The following RNGTT variants were observed in gnomAD, a reference collection of about 807,000 sequenced individuals.
RNGTT encodes RNA guanylyltransferase and 5'-phosphatase.
In RNGTT, 33 loss-of-function variants were observed where a neutral mutation model predicts 79.3. The observed-to-expected ratio is 0.42, with a 90% confidence interval of 0.32 to 0.56. RNGTT has a LOEUF of 0.56. Among genes scored for constraint, RNGTT ranks in the 20% least tolerant of loss-of-function variants. The pLI, the probability that RNGTT is intolerant of heterozygous loss-of-function variation, is 0.17. For synonymous variants in RNGTT, 222 were observed against 235.9 expected, an observed-to-expected ratio of 0.94 and a Z score of 0.54; for missense variants, 497 against 739.1, an observed-to-expected ratio of 0.67 and a Z score of 3.80.
chr6:88,843,916 A>C (rs1342872001), intron 11 of RNGTT, among the ~76,000 whole-genome samples: 1 of 149,928 alleles, frequency 6.7e-6, no homozygotes, highest in African/African-American at 2.4e-5. Flanking sequence ...CCTTCAATGT[A>C]TGTGTGTGTG....
intron 13 of RNGTT, among the ~76,000 whole-genome samples, chr6:88,684,187 A>G (rs1775192296): frequency 6.6e-6 from 1 of 152,184 alleles, no homozygotes. Context: ...CTAAGATACT[A>G]CAACACACCT....
intron 12 of RNGTT, among the ~76,000 whole-genome samples, chr6:88,797,085 T>A (rs1180669462): frequency 6.6e-6 from 1 of 152,110 alleles, no homozygotes; most frequent in Non-Finnish European, 1.5e-5. Context: ...CTAATAAAAA[T>A]TGCTGGGTAA....
chr6:88,689,086 G>C (rs1056234977), intron 13 of RNGTT, among the ~76,000 whole-genome samples: 2 of 152,258 alleles, frequency 1.3e-5, no homozygotes, highest in Non-Finnish European at 2.9e-5. Context: ...ATTATATGCA[G>C]ATTTTCTACT....
At chr6:88,694,550 A>G (rs565437352) in intron 13 of RNGTT, among the ~76,000 whole-genome samples, 6 of 152,284 alleles carry the variant, frequency 3.9e-5, no homozygotes, top group Non-Finnish European at 5.9e-5. Context: ...TACAATCCCT[A>G]TCGAAATTAC....
chr6:88,867,594 G>T (rs754198083), intron 8 of RNGTT, among the ~76,000 whole-genome samples: 7 of 152,038 alleles, frequency 4.6e-5, no homozygotes, highest in Non-Finnish European at 1.0e-4. Context: ...AGTTTTCACT[G>T]AAGAATCTGT....
At position 88,644,052 on chromosome 6, in the gene RNGTT, T is replaced by A. The variant is rs182420924; in HGVS notation, c.1507-29657A>T. The stretch of plus-strand genomic sequence containing the variant: ...ACAAAAAACCCTTCAAAAAAATCAA[T>A]GAATCCAGGAGCTGGTTTTTTGAAA... On this transcript the variant is annotated intron_variant, in intron 14 of 15. Transcript: ENST00000369485. Among the ~76,000 whole-genome samples the A allele has an allele frequency of 1.1e-4, 17 of 152,094 alleles. No individual in the cohort carries two copies. The East Asian group carries it at 3.3e-3, about 29-fold the overall frequency.
chr6:88,913,736 C>T (rs1407850023), intron 4 of RNGTT, among the ~76,000 whole-genome samples: 5 of 152,116 alleles, frequency 3.3e-5, no homozygotes, highest in Non-Finnish European at 5.9e-5. Context: ...CTATGCTAAA[C>T]CCACAGCCAA....
intron 5 of RNGTT, among the ~76,000 whole-genome samples, 175 bp from the exon 6 acceptor site, chr6:88,905,130 T>C (rs1783610430): frequency 1.3e-5 from 2 of 152,192 alleles, no homozygotes; most frequent in Admixed American, 6.5e-5. Context: ...ACATTCATTC[T>C]GAAAAGGTTT....
chr6:88,838,469 T>C (rs1781155899), intron 11 of RNGTT, among the ~76,000 whole-genome samples: 1 of 152,142 alleles, frequency 6.6e-6, no homozygotes, highest in African/African-American at 2.4e-5. Flanking sequence ...AAAAAGTATA[T>C]TTCTATATAC....
intron 4 of RNGTT, among the ~76,000 whole-genome samples, chr6:88,915,131 GGCT>G (rs1405996978): frequency 1.3e-5 from 2 of 151,722 alleles, no homozygotes; most frequent in African/African-American, 4.9e-5. Flanking sequence ...ATGCTGGAGA[GGCT>G]GCAGAGAAAA....
chr6:88,833,669 C>T (rs1780957777), intron 11 of RNGTT, among the ~76,000 whole-genome samples: 1 of 152,198 alleles, frequency 6.6e-6, no homozygotes, highest in Admixed American at 6.5e-5. Context: ...TTCACAATCA[C>T]AGAACAATTA....
At chr6:88,730,624 A>C (rs1376209859) in intron 13 of RNGTT, among the ~76,000 whole-genome samples, 1 of 152,264 alleles carries the variant, frequency 6.6e-6, no homozygotes, top group African/African-American at 2.4e-5. Flanking sequence ...GGCGGAGCTC[A>C]GGCGGTAATG....
intron 8 of RNGTT, among the ~76,000 whole-genome samples, chr6:88,869,368 CTG>C (rs961815996): frequency 6.6e-6 from 1 of 152,150 alleles, no homozygotes; most frequent in Non-Finnish European, 1.5e-5. Flanking sequence ...TTTTTCGTGA[CTG>C]GCCATTAGAC....
chr6:88,642,372 G>C (rs1273055179), intron 14 of RNGTT, among the ~76,000 whole-genome samples: 1 of 152,064 alleles, frequency 6.6e-6, no homozygotes, highest in Non-Finnish European at 1.5e-5. Context: ...ACTTTAAGAA[G>C]GTAGGGATAC....
intron 11 of RNGTT, among the ~76,000 whole-genome samples, chr6:88,824,147 T>C (rs1780580862): frequency 6.6e-6 from 1 of 151,768 alleles, no homozygotes; most frequent in Non-Finnish European, 1.5e-5. Flanking sequence ...ACAACAGGAG[T>C]GTCTTCTGAA....
At chr6:88,873,223 C>T (rs1211457114) in intron 8 of RNGTT, among the ~76,000 whole-genome samples, 2 of 152,210 alleles carry the variant, frequency 1.3e-5, no homozygotes, top group East Asian at 3.9e-4. Context: ...TTCTCTGCCT[C>T]GTTTCAAATG....
At chr6:88,730,717 C>T (rs968042944) in intron 13 of RNGTT, among the ~76,000 whole-genome samples, 2 of 152,182 alleles carry the variant, frequency 1.3e-5, no homozygotes, top group African/African-American at 4.8e-5. Flanking sequence ...GATCCCTCAT[C>T]TAGGACACTC....
At chr6:88,730,414 G>T (rs1777068985) in intron 13 of RNGTT, among the ~76,000 whole-genome samples, 1 of 152,186 alleles carries the variant, frequency 6.6e-6, no homozygotes, top group African/African-American at 2.4e-5. Flanking sequence ...GGCCACATGA[G>T]TCAGGGATAA....
intron 13 of RNGTT, among the ~76,000 whole-genome samples, chr6:88,738,650 C>CATAA (rs565492809): frequency 2.3e-3 from 348 of 152,018 alleles, no homozygotes; most frequent in Non-Finnish European, 3.8e-3. Flanking sequence ...CGTCTCAAAA[C>CATAA]ATAAATAAAT....
Sources: allele counts gnomAD v4.1 joint callset (sites outside exome capture counted in the v4.1 genomes callset), GRCh38; gene constraint gnomAD v4.1.1; transcripts MANE v1.5; gene names NCBI Gene and HGNC (gene_info 2026-07-23, HGNC 2026-07-21).